The following COPS7B variants were observed in gnomAD, a reference collection of about 807,000 sequenced individuals.
The protein encoded by COPS7B is COP9 signalosome complex subunit 7b.
In COPS7B, 9 loss-of-function variants were observed where a neutral mutation model predicts 33.4. The ratio of observed to expected loss-of-function variants is 0.27; its 90% CI spans 0.16 to 0.47. The LOEUF is 0.47. COPS7B is among the 20% of genes least tolerant of loss of function. The pLI, the probability that COPS7B is intolerant of heterozygous loss-of-function variation, is 0.99. For missense variants in COPS7B, 242 were observed against 318.2 expected, an observed-to-expected ratio of 0.76 and a Z score of 1.82; for synonymous variants, 119 against 126.3, an observed-to-expected ratio of 0.94 and a Z score of 0.39.
intron 2 of COPS7B, 22 bp from the exon 3 acceptor site, chr2:231,791,711 G>C (rs1559357955): frequency 6.2e-7 from 1 of 1,612,210 alleles, no homozygotes. Flanking sequence ...GGTCTGTGGT[G>C]AACTTTTTTT....
rs1321401741 is a variant in COPS7B at position 231,808,221 on chromosome 2, A to T, written c.*576A>T. 3 of 341,240 alleles carry T rather than the reference A, an allele frequency of 8.8e-6. No individual in the cohort carries two copies. Among genetic ancestry groups the T allele is most frequent in the Non-Finnish European group, 1.8e-5 (3 of 168,658 alleles). 21.1% of individuals were successfully genotyped at this position (341,240 alleles called of 1,614,324 possible). A position where few individuals can be genotyped will look rare whatever the true frequency, so the allele number is the denominator to read the frequency against. ...ATGCTGGGCTGTGTTTACTAAACCC[A>T]CGGGTTTTCAGCCTCTTAAGCCCAG... On this transcript the variant is annotated 3_prime_UTR_variant, in exon 7 of 7. Coordinates refer to ENST00000350033, the MANE Select transcript of COPS7B (RefSeq NM_022730.4).
Position 231,796,174 on chromosome 2 carries a change from C to T in COPS7B, c.396C>T (p.Ile132=), listed in dbSNP as rs771554531. ...ATCTCCGGGAACTAGAAGACCTTAT[C>T]ATTGAGGCTGTCTACACTGACATCA... ...MRNLRELEDL[I]IEAVYTDIIQ... The change falls in exon 5 of 7, where the codon ATC becomes ATT. Residue 132 remains isoleucine (I), a synonymous_variant. Transcript: ENST00000350033. The T allele has an allele frequency of 2.5e-6, 4 of 1,614,152 alleles. No homozygotes were observed. In the South Asian group the frequency reaches 3.3e-5, roughly 13 times the overall value.
chr2:231,807,239 C>T (rs1283273209), intron 6 of COPS7B, among the ~76,000 whole-genome samples: 1 of 152,186 alleles, frequency 6.6e-6, no homozygotes, highest in African/African-American at 2.4e-5. Flanking sequence ...TGATGTGCCT[C>T]TTTGCCAAAT....
intron 3 of COPS7B, chr2:231,793,963 T>A: frequency 3.0e-6 from 1 of 338,800 alleles, no homozygotes; most frequent in Admixed American, 4.4e-5. Flanking sequence ...TGAAGATATG[T>A]TTAATTTAAT....
intron 6 of COPS7B, 52 bp downstream of exon 6, chr2:231,799,016 C>A: frequency 6.7e-7 from 1 of 1,493,548 alleles, no homozygotes; most frequent in South Asian, 1.2e-5. Context: ...CCTGTTTATT[C>A]GTTTGCAGTG....
In COPS7B at chr2:231,799,466, G is replaced by A. The variant is rs982367893; in HGVS notation, c.636+502G>A. Among the ~76,000 whole-genome samples, 6 of 152,200 alleles carry A rather than the reference G, an allele frequency of 3.9e-5. 1 individual carries two copies. Among genetic ancestry groups the A allele is most frequent in the Middle Eastern group, 3.2e-3 (1 of 316 alleles). Reference sequence around the variant, plus strand: ...TATATTATAAATGTGTAAAATGCATGACATGTTTCATACGGAAAGAAGAAA... The same window carrying A: ...TATATTATAAATGTGTAAAATGCATAACATGTTTCATACGGAAAGAAGAAA... On this transcript the variant is annotated intron_variant, in intron 6 of 6. Transcript: ENST00000350033.
intron 3 of COPS7B, 183 bp from the exon 4 acceptor site, chr2:231,794,080 T>G (rs538498077): frequency 1.9e-6 from 1 of 515,452 alleles, no homozygotes; most frequent in African/African-American, 1.9e-5. Context: ...AAACTGAGTC[T>G]TTTCTTCTTT....
chr2:231,798,733 G>T, intron 5 of COPS7B, 126 bp from the exon 6 acceptor site: 3 of 690,122 alleles, frequency 4.3e-6, no homozygotes, highest in Non-Finnish European at 7.6e-6. Flanking sequence ...AAGAGATGTG[G>T]CAGAGGGAGT....
chr2:231,789,589 TC>T (rs1347874496), intron 2 of COPS7B: 3 of 152,428 alleles, frequency 2.0e-5, no homozygotes, highest in Non-Finnish European at 4.4e-5. Flanking sequence ...TGATGGTACT[TC>T]TTGTGGAGCA....
intron 5 of COPS7B, among the ~76,000 whole-genome samples, chr2:231,797,525 C>CT (rs2049606698): frequency 6.6e-6 from 1 of 152,184 alleles, no homozygotes; most frequent in Admixed American, 6.5e-5. Flanking sequence ...GCTGACACAG[C>CT]TTTTTATGTC....
At chr2:231,783,241 A>C (rs879873700), upstream of COPS7B, among the ~76,000 whole-genome samples, 2 of 152,190 alleles carry the variant, frequency 1.3e-5, no homozygotes, top group Admixed American at 1.3e-4. Context: ...AGCCGTAGTG[A>C]GCATTCTTAC....
At chr2:231,789,377 A>G (rs1311855429) in intron 2 of COPS7B, 1 of 152,226 alleles carries the variant, frequency 6.6e-6, no homozygotes, top group Non-Finnish European at 1.5e-5. Context: ...CTACTTTCCA[A>G]TTTGAACATT....
chr2:231,794,073 C>CT, intron 3 of COPS7B, 190 bp from the exon 4 acceptor site: 1 of 522,414 alleles, frequency 1.9e-6, no homozygotes, highest in East Asian at 3.1e-5. Flanking sequence ...TTTGTAGAAA[C>CT]TGAGTCTTTT....
At chr2:231,801,347 T>C in intron 6 of COPS7B, 1 of 1,449,580 alleles carries the variant, frequency 6.9e-7, no homozygotes, top group Non-Finnish European at 9.2e-7. Context: ...GGGACCATTA[T>C]GAGCTGTTTC....
chr2:231,792,802 ATT>A (rs534592130), intron 3 of COPS7B, among the ~76,000 whole-genome samples: 2,024 of 152,186 alleles, frequency 0.013, 31 homozygotes, highest in Non-Finnish European at 0.018. Context: ...TACCCAAAGC[ATT>A]TTTTTCTGGC....
chr2:231,781,713 C>G, upstream of COPS7B: 1 of 837,788 alleles, frequency 1.2e-6, no homozygotes, highest in South Asian at 1.5e-5. Context: ...ACTTAGACTC[C>G]AGTGTGCCGC....
chr2:231,807,704 G>A lies in COPS7B; in HGVS notation c.*59G>A. ...GGGTCAGGTGGGGAGGGGACACCAA[G>A]GGCCCATTTCCTCCCCTCTCTACCT... On this transcript the variant is annotated 3_prime_UTR_variant, in exon 7 of 7. Transcript: ENST00000350033. 2.0e-6 allele frequency: 3 copies of A among 1,465,806 alleles called. No homozygotes were observed. Among genetic ancestry groups the A allele is most frequent in the Non-Finnish European group, 2.7e-6 (3 of 1,096,722 alleles). 90.8% of individuals were successfully genotyped at this position (1,465,806 alleles called of 1,614,324 possible). A position where few individuals can be genotyped will look rare whatever the true frequency, so the allele number is the denominator to read the frequency against.
chr2:231,792,770 G>A (rs145560237), intron 3 of COPS7B, among the ~76,000 whole-genome samples: 139 of 152,220 alleles, frequency 9.1e-4, no homozygotes, highest in African/African-American at 3.3e-3. Flanking sequence ...GTATTTGTAT[G>A]TCCAAACACT....
chr2:231,792,390 G>A (rs1436858872), intron 3 of COPS7B: 2 of 233,414 alleles, frequency 8.6e-6, no homozygotes, highest in Non-Finnish European at 1.7e-5. Context: ...CACTCCGGAG[G>A]CTGAGGCAGC....
Sources: allele counts gnomAD v4.1 joint callset (sites outside exome capture counted in the v4.1 genomes callset), GRCh38; gene constraint gnomAD v4.1.1; transcripts MANE v1.5; gene names NCBI Gene and HGNC (gene_info 2026-07-23, HGNC 2026-07-21).